The following ZBTB41 variants were observed in gnomAD, a reference collection of about 807,000 sequenced individuals.
ZBTB41 encodes the protein zinc finger and BTB domain-containing protein 41.
Under a neutral mutation model 87.6 loss-of-function variants are expected in ZBTB41, and 42 were observed. That is an observed-to-expected ratio of 0.48 (90% CI 0.37 to 0.62). ZBTB41 has a LOEUF of 0.62. Among genes scored for constraint, ZBTB41 ranks in the 20% least tolerant of loss-of-function variants. The pLI is 0.00. For missense variants in ZBTB41, 799 were observed against 1,078.9 expected, an observed-to-expected ratio of 0.74 and a Z score of 3.63; for synonymous variants, 364 against 364.0, an observed-to-expected ratio of 1.00 and a Z score of 0.00.
rs1372832671 is a variant in ZBTB41, at chr1:197,200,369, G to C, written c.105C>G (p.Thr35=). The C allele has an allele frequency of 3.1e-6, 5 of 1,614,020 alleles. No individual in the cohort carries two copies. The East Asian group carries it at 1.1e-4, about 36-fold the overall frequency. ...GNVAVECDQV[T]YTHSAGRPTP... ...TTGGTCTTCCTGCAGAATGAGTATAGGTCACTTGGTCACACTCCACTGCAA... is the reference window on the plus strand; with the variant it reads ...TTGGTCTTCCTGCAGAATGAGTATACGTCACTTGGTCACACTCCACTGCAA... The change falls in exon 2 of 11, where the codon ACC becomes ACG. Residue 35 remains threonine (T), a synonymous_variant. Coordinates refer to ENST00000367405, the MANE Select transcript of ZBTB41 (RefSeq NM_194314.3).
At chr1:197,173,461 G>T (rs934946655) in intron 9 of ZBTB41, among the ~76,000 whole-genome samples, 41 of 152,018 alleles carry the variant, frequency 2.7e-4, no homozygotes, top group African/African-American at 9.4e-4. Context: ...CTAGGTTGCA[G>T]CAGCATCATA....
At chr1:197,194,380 C>G (rs1660111131) in intron 2 of ZBTB41, among the ~76,000 whole-genome samples, 1 of 151,970 alleles carries the variant, frequency 6.6e-6, no homozygotes, top group African/African-American at 2.4e-5. Flanking sequence ...AAAAATTTTT[C>G]AACAAATCAT....
At position 197,158,409 on chromosome 1, in the gene ZBTB41, C is replaced by A. The variant is rs1051505830; in HGVS notation, c.*950G>T. 6.6e-6 allele frequency: 1 copy of A among 152,396 alleles called. No homozygotes were observed. Among genetic ancestry groups the A allele is most frequent in the Non-Finnish European group, 1.5e-5 (1 of 67,864 alleles). The allele number at this position is 152,396 out of a possible 1,614,324, so 9.4% of individuals were successfully genotyped here. On this transcript the variant is annotated 3_prime_UTR_variant, in exon 11 of 11. Coordinates refer to ENST00000367405, the MANE Select transcript of ZBTB41 (RefSeq NM_194314.3). ...CAATTGAACACAAAATATCTAGGTT[C>A]TGTTTCCCAGAGTTTCTATCAGCCA...
chr1:197,197,322 G>T (rs1660191462), intron 2 of ZBTB41, among the ~76,000 whole-genome samples: 1 of 151,802 alleles, frequency 6.6e-6, no homozygotes, highest in Non-Finnish European at 1.5e-5. Flanking sequence ...ATATGAATAA[G>T]ATATAGATAG....
chr1:197,187,150 T>C (rs1659905650), intron 5 of ZBTB41, among the ~76,000 whole-genome samples: 2 of 152,324 alleles, frequency 1.3e-5, no homozygotes, highest in African/African-American at 2.4e-5. Flanking sequence ...GACAGTTTCT[T>C]ACAAACTAAT....
chr1:197,199,249 A>G (rs1329322487), intron 2 of ZBTB41, 105 bp downstream of exon 2: 3 of 1,149,422 alleles, frequency 2.6e-6, no homozygotes, highest in Non-Finnish European at 3.5e-6. Context: ...CTACTTAAAC[A>G]GTCTTTTTAG....
rs555007003 is a variant in ZBTB41, at chr1:197,171,286, G to A, written c.2074+874C>T. On this transcript the variant is annotated intron_variant, in intron 10 of 10. Coordinates refer to ENST00000367405, the MANE Select transcript of ZBTB41 (RefSeq NM_194314.3). ...ATTATGCCTTTTTTTATTTGGAGAG[G>A]GCTGTAACTTTGCTTTTAACAGCAG... is the stretch of plus-strand genomic sequence containing the variant. Among the ~76,000 whole-genome samples, 8 of 151,928 alleles carry A rather than the reference G, an allele frequency of 5.3e-5. No homozygotes were observed. The South Asian group carries it at 8.3e-4, about 16-fold the overall frequency.
intron 10 of ZBTB41, among the ~76,000 whole-genome samples, chr1:197,161,756 C>T (rs1252056698): frequency 1.3e-5 from 2 of 151,894 alleles, no homozygotes; most frequent in Non-Finnish European, 2.9e-5. Context: ...GCTTTGAAAA[C>T]AAAATGTACA....
chr1:197,186,258 T>A, intron 5 of ZBTB41, among the ~76,000 whole-genome samples: 1 of 145,026 alleles, frequency 6.9e-6, no homozygotes, highest in African/African-American at 2.5e-5. Flanking sequence ...ATGGTCCTAG[T>A]ACAAATGGAT....
chr1:197,184,374 AAT>A (rs1377219903), intron 5 of ZBTB41, among the ~76,000 whole-genome samples: 3 of 152,190 alleles, frequency 2.0e-5, no homozygotes, highest in African/African-American at 7.2e-5. Context: ...CTTGTTGCGC[AAT>A]AGTGCCTTGA....
rs749556041 is a variant in ZBTB41 at position 197,175,131 on chromosome 1, C to T, written c.1880-16G>A. 6.3e-7 allele frequency: 1 copy of T among 1,594,096 alleles called. No individual in the cohort carries two copies. The highest frequency in any genetic ancestry group is 8.6e-7 in the Non-Finnish European group (1 of 1,165,540). ...GCTTTTTCACCTTAAAATAAAGACC[C>T]AAATATTTTCATTATAATATACATC... On this transcript the variant is annotated splice_polypyrimidine_tract_variant and intron_variant, in intron 8 of 10. Transcript: ENST00000367405.
intron 2 of ZBTB41, among the ~76,000 whole-genome samples, chr1:197,196,466 A>G (rs1446267503): frequency 6.6e-6 from 1 of 152,092 alleles, no homozygotes; most frequent in Non-Finnish European, 1.5e-5. Flanking sequence ...TCTAAGCTAC[A>G]TTATCATTCT....
In ZBTB41 at chr1:197,188,453, C is replaced by T. The variant is rs776989538; in HGVS notation, c.1399-14G>A. 6.3e-7 allele frequency: 1 copy of T among 1,581,048 alleles called. No individual in the cohort carries two copies. The highest frequency in any genetic ancestry group is 8.6e-7 in the Non-Finnish European group (1 of 1,165,586). ...TTTCTTACAAATCTAAATTAAAATG[C>T]AAACAAAATGTTAAGAGAACCTGAA... On this transcript the variant is annotated splice_polypyrimidine_tract_variant and intron_variant, in intron 4 of 10. Transcript: ENST00000367405.
chr1:197,190,776 T>C lies in ZBTB41; in HGVS notation c.1384A>G (p.Ser462Gly). 1 of 1,589,452 alleles carries C rather than the reference T, an allele frequency of 6.3e-7. No individual in the cohort carries two copies. Among genetic ancestry groups the C allele is most frequent in the Non-Finnish European group, 8.6e-7 (1 of 1,165,198 alleles). ...AAAACTCTTACATCACATTTCCAAC[T>C]TTCACTCTTAGTCTTCTTAATGGAA... ...FISIKKTKSE[S>G]WKCDICKKSF... Residue 462 changes from serine (S) to glycine (G), a missense_variant, in exon 4 of 11, where the codon AGT becomes GGT. Transcript: ENST00000367405.
At chr1:197,200,613 T>C in intron 1 of ZBTB41, 23 bp from the exon 2 acceptor site, 1 of 683,466 alleles carries the variant, frequency 1.5e-6, no homozygotes, top group Non-Finnish European at 2.3e-6. Flanking sequence ...GAGAACCACG[T>C]AAAATAACTC....
intron 2 of ZBTB41, among the ~76,000 whole-genome samples, chr1:197,198,300 T>C (rs890943594): frequency 1.3e-5 from 2 of 152,132 alleles, no homozygotes; most frequent in Non-Finnish European, 2.9e-5. Context: ...AAAAACATTA[T>C]AAAAAGCAAA....
chr1:197,193,385 CA>C (rs202017772), intron 2 of ZBTB41, among the ~76,000 whole-genome samples: 2 of 140,226 alleles, frequency 1.4e-5, no homozygotes, highest in Non-Finnish European at 1.6e-5. Context: ...AAAAAACAAA[CA>C]AAAAAAAAAC....
intron 2 of ZBTB41, among the ~76,000 whole-genome samples, chr1:197,196,137 G>A (rs10801596): frequency 0.59 from 89,200 of 152,078 alleles, 29,325 homozygotes; most frequent in East Asian, 0.91. Context: ...AGTAAGATAC[G>A]TAACCTCCAG....
intron 5 of ZBTB41, 42 bp from the exon 6 acceptor site, chr1:197,181,159 A>G: frequency 2.0e-6 from 3 of 1,533,146 alleles, no homozygotes; most frequent in Non-Finnish European, 1.7e-6. Context: ...AAGTTTAAAG[A>G]GGAGATACTA....
Sources: allele counts gnomAD v4.1 joint callset (sites outside exome capture counted in the v4.1 genomes callset), GRCh38; gene constraint gnomAD v4.1.1; transcripts MANE v1.5; gene names NCBI Gene and HGNC (gene_info 2026-07-23, HGNC 2026-07-21).